VDAC1: variants seen among roughly 807,000 people sequenced by gnomAD.
VDAC1 encodes voltage dependent anion channel 1, also known as non-selective voltage-gated ion channel VDAC1.
In VDAC1, 10 loss-of-function variants were observed where a neutral mutation model predicts 34.7. That is an observed-to-expected ratio of 0.29 (90% CI 0.18 to 0.49). The LOEUF (loss-of-function observed/expected upper bound fraction) is 0.49. VDAC1 is among the 20% of genes least tolerant of loss of function. The pLI, the probability that VDAC1 is intolerant of heterozygous loss-of-function variation, is 0.99. For synonymous variants in VDAC1, 130 were observed against 136.0 expected (o/e 0.96, Z 0.30); for missense variants, 230 against 347.9 (o/e 0.66, Z 2.69).
At chr5:133,991,528 A>G (rs1254672098) in intron 3 of VDAC1, among the ~76,000 whole-genome samples, 1 of 152,222 alleles carries the variant, frequency 6.6e-6, no homozygotes, top group Admixed American at 6.5e-5. Context: ...CTGCACACAT[A>G]ATTTCAAAGG....
Position 133,980,865 on chromosome 5 carries a change from G to A in VDAC1, c.415C>T (p.Arg139Trp), listed in dbSNP as rs758468496. The part of the protein sequence containing the change: ...MDFDIAGPSI[R>W]GALVLGYEGW... The stretch of plus-strand genomic sequence containing the variant: ...TCGTAACCTAGCACCAGAGCACCCC[G>A]GATGGAAGGCCCAGCAATGTCGAAA... The change falls in exon 6 of 9, where the codon CGG becomes TGG. Residue 139 changes from arginine to tryptophan, a missense_variant. Coordinates refer to ENST00000265333, the MANE Select transcript of VDAC1 (RefSeq NM_003374.3). 6.2e-6 allele frequency: 10 copies of A among 1,613,898 alleles called. No individual in the cohort carries two copies. Among genetic ancestry groups the A allele is most frequent in the Middle Eastern group, 1.7e-4 (1 of 6,060 alleles).
At chr5:134,098,161 A>G in the VDAC1 span, among the ~76,000 whole-genome samples, 2 of 148,996 alleles carry the variant, frequency 1.3e-5, no homozygotes, top group East Asian at 3.9e-4. Context: ...GTGAGCTACC[A>G]TGCCCTGCTT....
chr5:134,067,684 G>C, the VDAC1 span, among the ~76,000 whole-genome samples: 2 of 148,946 alleles, frequency 1.3e-5, no homozygotes, highest in Non-Finnish European at 3.0e-5. Flanking sequence ...AGGGAGGAGA[G>C]GGGGAGGGAG....
the VDAC1 span, among the ~76,000 whole-genome samples, chr5:134,075,057 G>T: frequency 6.6e-6 from 1 of 152,146 alleles, no homozygotes; most frequent in Non-Finnish European, 1.5e-5. Context: ...TATGCACACA[G>T]TCTGGATACA....
At chr5:134,011,455 C>T in the VDAC1 span, among the ~76,000 whole-genome samples, 1 of 152,040 alleles carries the variant, frequency 6.6e-6, no homozygotes, top group Non-Finnish European at 1.5e-5. Context: ...TGATCATCAC[C>T]TCTCCATTTT....
At chr5:134,069,654 CTTTA>C in the VDAC1 span, among the ~76,000 whole-genome samples, 1 of 152,194 alleles carries the variant, frequency 6.6e-6, no homozygotes, top group East Asian at 1.9e-4. Context: ...CAGCGTTTCT[CTTTA>C]TTTCTCTACC....
the VDAC1 span, among the ~76,000 whole-genome samples, chr5:134,035,596 A>C: frequency 1.3e-5 from 2 of 152,210 alleles, no homozygotes; most frequent in African/African-American, 4.8e-5. Context: ...CCACTGAATA[A>C]ATGTCCATAA....
At chr5:134,060,818 T>G in the VDAC1 span, among the ~76,000 whole-genome samples, 1 of 151,266 alleles carries the variant, frequency 6.6e-6, no homozygotes, top group South Asian at 2.1e-4. Context: ...ATTCAACAAA[T>G]GAAAACGATA....
chr5:134,046,349 A>G, the VDAC1 span, among the ~76,000 whole-genome samples: 2 of 151,730 alleles, frequency 1.3e-5, no homozygotes, highest in African/African-American at 2.4e-5. Flanking sequence ...ATTTTTTAAA[A>G]AAATAGAGAC....
the VDAC1 span, among the ~76,000 whole-genome samples, chr5:134,105,721 T>G: frequency 6.6e-6 from 1 of 152,260 alleles, no homozygotes; most frequent in Non-Finnish European, 1.5e-5. Context: ...GGGACCCGGG[T>G]CTCCCAGCTC....
chr5:133,995,384 T>G (rs971142393), intron 1 of VDAC1, among the ~76,000 whole-genome samples: 1 of 152,218 alleles, frequency 6.6e-6, no homozygotes, highest in Non-Finnish European at 1.5e-5. Context: ...CTTTCTCATC[T>G]GTGTCTTGCT....
the VDAC1 span, among the ~76,000 whole-genome samples, chr5:134,054,687 C>T: frequency 6.6e-6 from 1 of 152,142 alleles, no homozygotes; most frequent in South Asian, 2.1e-4. Context: ...TCTTGAACTC[C>T]TGACCTCAGG....
At chr5:134,074,339 A>AATAC in the VDAC1 span, among the ~76,000 whole-genome samples, 36 of 151,310 alleles carry the variant, frequency 2.4e-4, no homozygotes, top group Non-Finnish European at 5.0e-4. Flanking sequence ...TAAATAAATA[A>AATAC]ATAAATAAAT....
At chr5:133,986,656 G>A (rs1752918608) in intron 5 of VDAC1, among the ~76,000 whole-genome samples, 1 of 152,192 alleles carries the variant, frequency 6.6e-6, no homozygotes, top group South Asian at 2.1e-4. Flanking sequence ...AAAGTGCTGG[G>A]ATTGCAGGCA....
At chr5:134,093,185 A>G in the VDAC1 span, among the ~76,000 whole-genome samples, 819 of 152,318 alleles carry the variant, frequency 5.4e-3, 11 homozygotes, top group African/African-American at 0.019. Context: ...GGGTCCTGAA[A>G]GGTTAGATGT....
rs918924175 is a variant in VDAC1, at chr5:133,976,260, C to T, written c.552-239G>A. On this transcript the variant is annotated intron_variant, in intron 6 of 8. Transcript: ENST00000265333. ...GTGGCTCACACCTGTAATCCCAGCA[C>T]TTTGGGAGGCCGAGATGGGCAGATC... The T allele has an allele frequency of 2.1e-5, 9 of 430,364 alleles. No individual in the cohort carries two copies. In the Admixed American group the frequency reaches 3.2e-4, roughly 15 times the overall value. The allele number at this position is 430,364 out of a possible 1,614,324, so 26.7% of individuals were successfully genotyped here.
At chr5:134,114,153 C>T in the VDAC1 span, among the ~76,000 whole-genome samples, 1 of 152,144 alleles carries the variant, frequency 6.6e-6, no homozygotes. Context: ...TGTATGCAGG[C>T]GGCCTAGAAG....
the VDAC1 span, among the ~76,000 whole-genome samples, chr5:134,077,772 A>G: frequency 6.6e-6 from 1 of 152,194 alleles, no homozygotes; most frequent in Non-Finnish European, 1.5e-5. Context: ...GCATTTCTCT[A>G]GGAGTCCAAT....
At chr5:134,103,097 G>A in the VDAC1 span, among the ~76,000 whole-genome samples, 1 of 152,120 alleles carries the variant, frequency 6.6e-6, no homozygotes, top group Admixed American at 6.5e-5. Flanking sequence ...ATGACCCCAC[G>A]CCCTGTCCAG....
Sources: allele counts gnomAD v4.1 joint callset (sites outside exome capture counted in the v4.1 genomes callset), GRCh38; gene constraint gnomAD v4.1.1; transcripts MANE v1.5; gene names NCBI Gene and HGNC (gene_info 2026-07-23, HGNC 2026-07-21).